The following CAMKMT variants were observed in gnomAD, a reference collection of about 807,000 sequenced individuals.
CAMKMT encodes the protein CaM KMT.
In CAMKMT, 53 loss-of-function variants were observed where a neutral mutation model predicts 48.0. That is an observed-to-expected ratio of 1.10 (90% CI 0.89 to 1.39). The LOEUF is 1.39. Among genes scored for constraint, CAMKMT ranks in the 40% most tolerant of loss-of-function variants. The pLI is 0.00. For missense variants in CAMKMT, 428 were observed against 402.7 expected (o/e 1.06, Z -0.54); for synonymous variants, 165 against 152.3 (o/e 1.08, Z -0.61).
intron 3 of CAMKMT, among the ~76,000 whole-genome samples, chr2:44,532,442 A>G (rs1391811580): frequency 1.3e-5 from 2 of 152,230 alleles, no homozygotes; most frequent in East Asian, 3.8e-4. Context: ...CTTGCATGCT[A>G]TAGCACTTGA....
chr2:44,384,957 A>C (rs1396543465), intron 2 of CAMKMT, among the ~76,000 whole-genome samples: 4 of 152,094 alleles, frequency 2.6e-5, no homozygotes, highest in Admixed American at 2.6e-4. Flanking sequence ...TGCTTTGGCT[A>C]TGCAGGTTCT....
chr2:44,717,740 T>G (rs1353752902), intron 7 of CAMKMT, among the ~76,000 whole-genome samples: 2 of 151,900 alleles, frequency 1.3e-5, no homozygotes, highest in Non-Finnish European at 2.9e-5. Flanking sequence ...TGACATGAGG[T>G]TTGTAACAGC....
chr2:44,449,359 T>C (rs1196981116), intron 3 of CAMKMT, among the ~76,000 whole-genome samples: 3 of 152,328 alleles, frequency 2.0e-5, no homozygotes, highest in Non-Finnish European at 1.5e-5. Flanking sequence ...TCTGTGCTGA[T>C]ATACCCTCAG....
rs945475348 is a variant in CAMKMT, at chr2:44,440,584, A to G, written c.376+50279A>G. Among the ~76,000 whole-genome samples, 4 of 152,134 alleles carry G rather than the reference A, an allele frequency of 2.6e-5. No individual in the cohort carries two copies. The South Asian group carries it at 8.3e-4, about 32-fold the overall frequency. ...ATTTAATGAATTATGATAAAATTTA[A>G]TTTAATAAATTAAATCAAAATTTCA... On this transcript the variant is annotated intron_variant, in intron 3 of 10. Transcript: ENST00000378494.
At chr2:44,726,984 T>C (rs1032862236) in intron 7 of CAMKMT, among the ~76,000 whole-genome samples, 1 of 152,190 alleles carries the variant, frequency 6.6e-6, no homozygotes, top group Non-Finnish European at 1.5e-5. Context: ...TATGTGTCTA[T>C]TTTTATACCA....
chr2:44,601,900 G>A (rs905797266), intron 3 of CAMKMT, among the ~76,000 whole-genome samples: 1 of 152,062 alleles, frequency 6.6e-6, no homozygotes, highest in African/African-American at 2.4e-5. Flanking sequence ...CTTAACATAT[G>A]TCCTTTGATT....
chr2:44,772,400 C>A lies in CAMKMT; in HGVS notation c.*287C>A. 3.8e-6 allele frequency: 1 copy of A among 265,848 alleles called. No homozygotes were observed. The highest frequency in any genetic ancestry group is 7.0e-6 in the Non-Finnish European group (1 of 143,048). 16.5% of individuals were successfully genotyped at this position (265,848 alleles called of 1,614,324 possible). A position where few individuals can be genotyped will look rare whatever the true frequency, so the allele number is the denominator to read the frequency against. On this transcript the variant is annotated 3_prime_UTR_variant, in exon 11 of 11. Coordinates refer to ENST00000378494, the MANE Select transcript of CAMKMT (RefSeq NM_024766.5). ...CTGTGACTTGAATTTGACTGGTGAA[C>A]AAACTAAATATTTTTCCCTGTAATT...
chr2:44,390,175 C>G, intron 2 of CAMKMT, 66 bp from the exon 3 acceptor site: 1 of 1,258,086 alleles, frequency 7.9e-7, no homozygotes, highest in South Asian at 1.3e-5. Context: ...TCAGTCTCAG[C>G]TTTTTTGAAT....
chr2:44,699,143 T>G (rs780422114), intron 3 of CAMKMT, among the ~76,000 whole-genome samples: 6 of 152,236 alleles, frequency 3.9e-5, no homozygotes, highest in Admixed American at 6.5e-5. Context: ...AACACTGATA[T>G]TTTGACCTCC....
intron 2 of CAMKMT, among the ~76,000 whole-genome samples, chr2:44,385,107 C>T (rs986743536): frequency 1.3e-5 from 2 of 152,086 alleles, no homozygotes; most frequent in Non-Finnish European, 2.9e-5. Flanking sequence ...TCTACCTATC[C>T]ATGAGCATGG....
intron 3 of CAMKMT, among the ~76,000 whole-genome samples, chr2:44,401,481 C>T (rs899005038): frequency 8.6e-5 from 13 of 151,696 alleles, no homozygotes; most frequent in African/African-American, 2.9e-4. Flanking sequence ...CTATTGAACC[C>T]GGGAGGCGGA....
chr2:44,744,721 T>C (rs1679847427), intron 8 of CAMKMT, among the ~76,000 whole-genome samples: 2 of 152,170 alleles, frequency 1.3e-5, no homozygotes, highest in African/African-American at 4.8e-5. Context: ...GTTATTATTA[T>C]TATTTTAATA....
chr2:44,682,586 G>T (rs928235702), intron 3 of CAMKMT, among the ~76,000 whole-genome samples: 18 of 152,104 alleles, frequency 1.2e-4, no homozygotes, highest in African/African-American at 4.3e-4. Context: ...TCTATTAACT[G>T]CCCATCATGC....
intron 7 of CAMKMT, among the ~76,000 whole-genome samples, chr2:44,733,419 T>A (rs1023909221): frequency 2.6e-5 from 4 of 152,182 alleles, no homozygotes; most frequent in African/African-American, 9.6e-5. Flanking sequence ...ACTTATTAGT[T>A]CTAGAAGCTT....
chr2:44,643,060 A>T (rs533219662), intron 3 of CAMKMT, among the ~76,000 whole-genome samples: 1 of 152,322 alleles, frequency 6.6e-6, no homozygotes, highest in African/African-American at 2.4e-5. Context: ...ATAGAACCCT[A>T]TAAATCAGTA....
intron 3 of CAMKMT, among the ~76,000 whole-genome samples, chr2:44,557,590 T>C (rs1296570642): frequency 6.6e-6 from 1 of 152,072 alleles, no homozygotes; most frequent in Non-Finnish European, 1.5e-5. Context: ...CTTCTTTCCT[T>C]CCTCCCTTCT....
At chr2:44,617,154 G>A (rs1165923982) in intron 3 of CAMKMT, among the ~76,000 whole-genome samples, 1 of 152,160 alleles carries the variant, frequency 6.6e-6, no homozygotes, top group Non-Finnish European at 1.5e-5. Flanking sequence ...TTCAGAGGTG[G>A]ACACATTTGT....
chr2:44,388,009 G>A (rs1191148261), intron 2 of CAMKMT, among the ~76,000 whole-genome samples: 1 of 152,076 alleles, frequency 6.6e-6, no homozygotes, highest in Non-Finnish European at 1.5e-5. Flanking sequence ...AGTGTGCCTG[G>A]GTGATGATCC....
intron 4 of CAMKMT, 67 bp downstream of exon 4, chr2:44,704,410 C>T: frequency 1.9e-6 from 2 of 1,031,054 alleles, no homozygotes; most frequent in Admixed American, 2.5e-5. Flanking sequence ...TTAAAAATTG[C>T]CATGATTATA....
Sources: gnomAD v4.1 joint callset for allele counts (sites outside exome capture counted in the v4.1 genomes callset) on GRCh38, gnomAD v4.1.1 for gene constraint, MANE v1.5 for transcripts, NCBI Gene and HGNC (gene_info 2026-07-23, HGNC 2026-07-21) for gene names.